AKAP7: variants seen among roughly 807,000 people sequenced by gnomAD.
AKAP7 encodes the protein A kinase (PRKA) anchor protein 7.
AKAP7 carries 39 observed loss-of-function variants against 39.5 expected under a neutral mutation model. The ratio of observed to expected loss-of-function variants is 0.99; its 90% CI spans 0.76 to 1.29. The LOEUF (loss-of-function observed/expected upper bound fraction) is 1.29. AKAP7 is among the 50% of genes most tolerant of loss of function. The probability of loss-of-function intolerance (pLI) is 0.00; values close to 1 mark genes in which losing one functional copy is unlikely to be tolerated. For missense variants in AKAP7, 414 were observed against 407.7 expected, an observed-to-expected ratio of 1.02 and a Z score of -0.13; for synonymous variants, 140 against 139.1, an observed-to-expected ratio of 1.01 and a Z score of -0.05.
At chr6:131,260,502 G>GTATT (rs1231202294) in intron 7 of AKAP7, among the ~76,000 whole-genome samples, 1 of 152,110 alleles carries the variant, frequency 6.6e-6, no homozygotes, top group African/African-American at 2.4e-5. Context: ...ATTCTAACTG[G>GTATT]TATTAGATGG....
At chr6:131,136,770 A>G (rs1164351605) in intron 1 of AKAP7, 3 of 773,304 alleles carry the variant, frequency 3.9e-6, no homozygotes, top group Non-Finnish European at 4.7e-6. Context: ...TTCCCTTTTT[A>G]TGAGGAGGAA....
At chr6:131,252,224 G>T (rs1019827937) in intron 7 of AKAP7, among the ~76,000 whole-genome samples, 1 of 152,298 alleles carries the variant, frequency 6.6e-6, no homozygotes, top group Middle Eastern at 3.4e-3. Flanking sequence ...AATATGTACT[G>T]CTTTTGGGGC....
chr6:131,270,701 G>T (rs887862809), intron 7 of AKAP7, among the ~76,000 whole-genome samples: 1 of 152,156 alleles, frequency 6.6e-6, no homozygotes, highest in Non-Finnish European at 1.5e-5. Flanking sequence ...AGCAATAGGA[G>T]TTCCAGTTGC....
At chr6:131,237,997 T>C (rs1055477642) in intron 7 of AKAP7, among the ~76,000 whole-genome samples, 41 of 152,200 alleles carry the variant, frequency 2.7e-4, no homozygotes, top group Non-Finnish European at 2.4e-4. Flanking sequence ...ATTGTGATGT[T>C]AGGGTGTCAA....
intron 7 of AKAP7, among the ~76,000 whole-genome samples, chr6:131,233,320 C>A (rs978136469): frequency 6.6e-6 from 1 of 152,146 alleles, no homozygotes; most frequent in African/African-American, 2.4e-5. Context: ...TACAATCAGG[C>A]AGACCTTATT....
intron 2 of AKAP7, among the ~76,000 whole-genome samples, chr6:131,152,327 A>G (rs997099434): frequency 1.3e-5 from 2 of 152,246 alleles, no homozygotes; most frequent in African/African-American, 4.8e-5. Flanking sequence ...GGTAAACTAG[A>G]TGATTACATA....
intron 5 of AKAP7, among the ~76,000 whole-genome samples, chr6:131,199,238 C>T (rs1227085478): frequency 6.6e-6 from 1 of 152,150 alleles, no homozygotes; most frequent in East Asian, 1.9e-4. Flanking sequence ...GTGTGCTTTA[C>T]CACAGGTGTG....
intron 7 of AKAP7, among the ~76,000 whole-genome samples, chr6:131,228,245 A>G (rs1810344473): frequency 6.6e-6 from 1 of 152,198 alleles, no homozygotes; most frequent in Non-Finnish European, 1.5e-5. Flanking sequence ...ATAGCTAGGA[A>G]AAAAAGGTTT....
chr6:131,257,367 CAAAAAA>C (rs10712918), intron 7 of AKAP7, among the ~76,000 whole-genome samples: 4 of 89,616 alleles, frequency 4.5e-5, no homozygotes, highest in Admixed American at 1.2e-4. Context: ...GGCCTTGTCT[CAAAAAA>C]AAAAAAAAAA....
intron 7 of AKAP7, among the ~76,000 whole-genome samples, chr6:131,246,846 T>C (rs1330071984): frequency 6.6e-6 from 1 of 151,902 alleles, no homozygotes; most frequent in African/African-American, 2.4e-5. Context: ...GGTATGCTGT[T>C]TCATATTGTA....
At position 131,265,794 on chromosome 6, in the gene AKAP7, C is replaced by T. The variant is rs543980636; in HGVS notation, c.851-15736C>T. ...TAGTTTTGTAGACTTCGGCAAGTCT[C>T]ATGGCTTCTCTGACTCTTGTTTGTA... On this transcript the variant is annotated intron_variant, in intron 7 of 7. Coordinates refer to ENST00000431975, the MANE Select transcript of AKAP7 (RefSeq NM_016377.4). Among the ~76,000 whole-genome samples, 11 of 152,302 alleles carry T rather than the reference C, an allele frequency of 7.2e-5. 1 individual carries two copies. The highest frequency in any genetic ancestry group is 2.4e-4 in the African/African-American group (10 of 41,558).
intron 1 of AKAP7, among the ~76,000 whole-genome samples, chr6:131,144,745 T>G (rs1395709612): frequency 2.8e-4 from 42 of 152,240 alleles, no homozygotes; most frequent in Non-Finnish European, 8.8e-5. Context: ...GTAAGATCAT[T>G]TGCTTTTTAA....
In AKAP7 at chr6:131,169,112, G is replaced by C; in HGVS notation, c.429-1G>C. 2 of 1,601,794 alleles carry C rather than the reference G, an allele frequency of 1.2e-6. No homozygotes were observed. The highest frequency in any genetic ancestry group is 1.1e-5 in the South Asian group (1 of 90,498). On this transcript the variant is annotated splice_acceptor_variant, in intron 4 of 7. Coordinates refer to ENST00000431975, the MANE Select transcript of AKAP7 (RefSeq NM_016377.4). LOFTEE classifies it high-confidence loss of function. The stretch of plus-strand genomic sequence containing the variant: ...CTGAAAAATGTATTATTTCTTACTA[G>C]TGGTATTGATGCTCTTTTGGAATTG...
Position 131,145,392 on chromosome 6 carries a change from G to C in AKAP7, c.127G>C (p.Val43Leu). The C allele has an allele frequency of 1.9e-6, 3 of 1,545,418 alleles. No individual in the cohort carries two copies. The highest frequency in any genetic ancestry group is 2.6e-6 in the Non-Finnish European group (3 of 1,144,850). ...DSLVDMPFATVDIQDDCGITD... is the reference protein window; with the variant it reads ...DSLVDMPFATLDIQDDCGITD... ...TCTGGTAGACATGCCATTTGCTACT[G>C]TAGATATTCAGGATGACTGTGGAAG... The change falls in exon 2 of 8, where the codon GTA becomes CTA. Residue 43 changes from valine to leucine, a missense_variant. Transcript: ENST00000431975.
intron 5 of AKAP7, among the ~76,000 whole-genome samples, chr6:131,190,174 A>G (rs2128270686): frequency 6.6e-6 from 1 of 152,314 alleles, no homozygotes; most frequent in South Asian, 2.1e-4. Context: ...CTTTTTCCCC[A>G]CTTCTATGTA....
At chr6:131,167,010 A>G (rs994148709) in intron 4 of AKAP7, among the ~76,000 whole-genome samples, 3 of 152,162 alleles carry the variant, frequency 2.0e-5, no homozygotes, top group Non-Finnish European at 4.4e-5. Flanking sequence ...GTATCCTTAC[A>G]GTGTAGAAGA....
intron 1 of AKAP7, among the ~76,000 whole-genome samples, chr6:131,142,104 T>G (rs2128225341): frequency 1.3e-5 from 2 of 152,170 alleles, no homozygotes; most frequent in South Asian, 2.1e-4. Flanking sequence ...TTTGGAAAAT[T>G]TGCAGCTTAG....
At chr6:131,146,030 T>G (rs1182499915) in intron 2 of AKAP7, among the ~76,000 whole-genome samples, 2 of 152,208 alleles carry the variant, frequency 1.3e-5, no homozygotes, top group African/African-American at 4.8e-5. Flanking sequence ...TTGATTATTG[T>G]GGAGCCACTG....
At chr6:131,170,391 A>C (rs977835063) in intron 5 of AKAP7, among the ~76,000 whole-genome samples, 1 of 152,190 alleles carries the variant, frequency 6.6e-6, no homozygotes, top group Non-Finnish European at 1.5e-5. Flanking sequence ...TAACCTAGGA[A>C]TCTACCACCC....
Sources: gnomAD v4.1 joint callset for allele counts (sites outside exome capture counted in the v4.1 genomes callset) on GRCh38, gnomAD v4.1.1 for gene constraint, MANE v1.5 for transcripts, NCBI Gene and HGNC (gene_info 2026-07-23, HGNC 2026-07-21) for gene names.